Variants in TENM4 observed in about 807,000 individuals in gnomAD.
The protein encoded by TENM4 is teneurin-4.
Under a neutral mutation model 243.3 loss-of-function variants are expected in TENM4, and 82 were observed. The ratio of observed to expected loss-of-function variants is 0.34; its 90% CI spans 0.28 to 0.40. TENM4 has a LOEUF of 0.40. TENM4 is among the 10% of genes least tolerant of loss of function. The probability of loss-of-function intolerance (pLI) is 1.00; values close to 1 mark genes in which losing one functional copy is unlikely to be tolerated. For missense variants in TENM4, 3,138 were observed against 3,673.3 expected, an observed-to-expected ratio of 0.85 and a Z score of 3.77; for synonymous variants, 1,412 against 1,456.3, an observed-to-expected ratio of 0.97 and a Z score of 0.69.
At chr11:78,790,015 G>T (rs1591025795) in intron 15 of TENM4, among the ~76,000 whole-genome samples, 1 of 152,270 alleles carries the variant, frequency 6.6e-6, no homozygotes, top group East Asian at 1.9e-4. Context: ...TATATAGTAG[G>T]TATCAATCAA....
chr11:78,761,914 C>T (rs1248163440), intron 18 of TENM4, among the ~76,000 whole-genome samples: 1 of 152,168 alleles, frequency 6.6e-6, no homozygotes, highest in African/African-American at 2.4e-5. Flanking sequence ...CGCTGATGAT[C>T]CTGCACGTCT....
At chr11:79,143,623 A>C (rs958068666) in intron 4 of TENM4, among the ~76,000 whole-genome samples, 3 of 152,034 alleles carry the variant, frequency 2.0e-5, no homozygotes, top group African/African-American at 7.2e-5. Flanking sequence ...ACATGTATAC[A>C]TATGTAACAA....
Position 78,704,070 on chromosome 11 carries a change from TATATAA to T in TENM4, c.4210-1673_4210-1668del, listed in dbSNP as rs1205678038. 2.0e-5 allele frequency among the ~76,000 whole-genome samples: 3 copies of T among 148,190 alleles called. No individual in the cohort carries two copies. The East Asian group carries it at 5.9e-4, about 29-fold the overall frequency. Reference sequence around the variant, plus strand: ...ACACACACACACACACACACATATATATATAAATATATACATACATATACATATGTA... The same window carrying T: ...ACACACACACACACACACACATATATATATATACATACATATACATATGTA... On this transcript the variant is annotated intron_variant, in intron 27 of 33. Transcript: ENST00000278550.
intron 1 of TENM4, among the ~76,000 whole-genome samples, chr11:79,423,292 C>A (rs904825998): frequency 3.3e-5 from 5 of 151,874 alleles, no homozygotes; most frequent in African/African-American, 1.2e-4. Context: ...TCAGTTGCAA[C>A]CCCCACCCCC....
chr11:79,426,860 T>C (rs769507734), intron 1 of TENM4, among the ~76,000 whole-genome samples: 1 of 152,204 alleles, frequency 6.6e-6, no homozygotes, highest in Non-Finnish European at 1.5e-5. Flanking sequence ...TATATGAATC[T>C]AGAATTTGAT....
intron 3 of TENM4, among the ~76,000 whole-genome samples, chr11:79,195,293 T>G (rs1448412235): frequency 6.6e-6 from 1 of 152,212 alleles, no homozygotes; most frequent in African/African-American, 2.4e-5. Flanking sequence ...GAGTCCCTAC[T>G]GGGGTACTGC....
Position 78,652,887 on chromosome 11 carries a change from G to C in TENM4, c.*5171C>G, listed in dbSNP as rs1857805662. 6.6e-6 allele frequency: 1 copy of C among 152,210 alleles called. No homozygotes were observed. Among genetic ancestry groups the C allele is most frequent in the Non-Finnish European group, 1.5e-5 (1 of 68,030 alleles). The allele number at this position is 152,210 out of a possible 1,614,324, so 9.4% of individuals were successfully genotyped here. A position where few individuals can be genotyped will look rare whatever the true frequency, so the allele number is the denominator to read the frequency against. Reference sequence around the variant, plus strand: ...GCAACGGCTCACATCCCTTGTGGAAGGCAGTGGCATGGTGGATGACTCTGT... The same window carrying C: ...GCAACGGCTCACATCCCTTGTGGAACGCAGTGGCATGGTGGATGACTCTGT... On this transcript the variant is annotated 3_prime_UTR_variant, in exon 34 of 34. Transcript: ENST00000278550.
intron 2 of TENM4, among the ~76,000 whole-genome samples, chr11:79,261,486 G>T (rs1855796299): frequency 6.6e-6 from 1 of 152,142 alleles, no homozygotes; most frequent in Non-Finnish European, 1.5e-5. Flanking sequence ...TTCTTTTGGG[G>T]ATGATGGAAA....
chr11:78,833,443 C>T (rs79781257), intron 12 of TENM4, among the ~76,000 whole-genome samples: 3,115 of 152,286 alleles, frequency 0.02, 107 homozygotes, highest in African/African-American at 0.07. Flanking sequence ...TCTATTAATA[C>T]CTCCACCCAA....
At chr11:79,241,081 A>T (rs1167422059) in intron 2 of TENM4, among the ~76,000 whole-genome samples, 1 of 152,062 alleles carries the variant, frequency 6.6e-6, no homozygotes, top group African/African-American at 2.4e-5. Flanking sequence ...AGTGATGCTG[A>T]GTGGCTTGAA....
At chr11:79,427,650 T>A (rs1859083310) in intron 1 of TENM4, among the ~76,000 whole-genome samples, 1 of 152,238 alleles carries the variant, frequency 6.6e-6, no homozygotes, top group African/African-American at 2.4e-5. Context: ...TGTGTTATCT[T>A]AGGTTTCCTA....
At chr11:79,272,006 A>G (rs1855977369) in intron 2 of TENM4, among the ~76,000 whole-genome samples, 1 of 152,152 alleles carries the variant, frequency 6.6e-6, no homozygotes, top group African/African-American at 2.4e-5. Context: ...CAACCCTAGG[A>G]GGTAGTGATG....
At chr11:78,789,108 G>C (rs930255844) in intron 15 of TENM4, among the ~76,000 whole-genome samples, 2 of 152,158 alleles carry the variant, frequency 1.3e-5, no homozygotes, top group Admixed American at 6.5e-5. Context: ...TCCATCCCGG[G>C]TACCAAGCAC....
intron 1 of TENM4, among the ~76,000 whole-genome samples, chr11:79,403,995 G>A (rs1406050932): frequency 6.6e-6 from 1 of 152,208 alleles, no homozygotes; most frequent in African/African-American, 2.4e-5. Flanking sequence ...CTGGACAGCA[G>A]GGCAGTCCCA....
intron 6 of TENM4, among the ~76,000 whole-genome samples, chr11:78,911,628 C>G (rs138006572): frequency 6.6e-6 from 1 of 152,286 alleles, no homozygotes; most frequent in East Asian, 1.9e-4. Context: ...TATGGTGAGA[C>G]AAAACCATCA....
At chr11:79,039,674 C>A (rs1392706782) in intron 6 of TENM4, among the ~76,000 whole-genome samples, 1 of 152,134 alleles carries the variant, frequency 6.6e-6, no homozygotes, top group Non-Finnish European at 1.5e-5. Context: ...AGGACAAATA[C>A]CTAATACATG....
intron 3 of TENM4, among the ~76,000 whole-genome samples, chr11:79,164,964 T>TGG: frequency 7.0e-6 from 1 of 142,870 alleles, no homozygotes; most frequent in African/African-American, 2.9e-5. Context: ...TATATGTGTG[T>TGG]GTGTGTGTGT....
intron 4 of TENM4, among the ~76,000 whole-genome samples, chr11:79,146,476 A>C (rs1433589462): frequency 2.0e-5 from 3 of 152,056 alleles, no homozygotes; most frequent in Non-Finnish European, 4.4e-5. Flanking sequence ...GTGTGGAAAC[A>C]CCTCTGAAAT....
At chr11:78,746,204 A>G (rs144809936) in intron 19 of TENM4, among the ~76,000 whole-genome samples, 5 of 152,316 alleles carry the variant, frequency 3.3e-5, no homozygotes, top group African/African-American at 1.2e-4. Flanking sequence ...GAGGTCAGTG[A>G]TATCTGAAGG....
Sources: gnomAD v4.1 joint callset for allele counts (sites outside exome capture counted in the v4.1 genomes callset) on GRCh38, gnomAD v4.1.1 for gene constraint, MANE v1.5 for transcripts, NCBI Gene and HGNC (gene_info 2026-07-23, HGNC 2026-07-21) for gene names.